Variants in AP3S2 observed in about 807,000 individuals in gnomAD.
AP3S2 encodes the protein adaptor related protein complex 3 subunit sigma 2.
Under a neutral mutation model 23.4 loss-of-function variants are expected in AP3S2, and 22 were observed. The observed-to-expected ratio is 0.94, with a 90% CI of 0.67 to 1.34. The LOEUF (loss-of-function observed/expected upper bound fraction) is 1.34. Among genes scored for constraint, AP3S2 ranks in the 40% most tolerant of loss-of-function variants. AP3S2 has a pLI of 0.00. For missense variants in AP3S2, 241 were observed against 236.9 expected (o/e 1.02, Z -0.11); for synonymous variants, 86 against 87.1 (o/e 0.99, Z 0.07).
At chr15:89,887,638 A>G (rs1048326533) in intron 3 of AP3S2, among the ~76,000 whole-genome samples, 9 of 150,644 alleles carry the variant, frequency 6.0e-5, no homozygotes, top group Non-Finnish European at 1.2e-4. Flanking sequence ...CTGAGATTAC[A>G]GGCATGAGCC....
chr15:89,850,257 C>A (rs1184423508), intron 4 of AP3S2, among the ~76,000 whole-genome samples: 4 of 152,142 alleles, frequency 2.6e-5, no homozygotes. Flanking sequence ...TAGATGTCTT[C>A]TTGTCATAAA....
intron 4 of AP3S2, among the ~76,000 whole-genome samples, chr15:89,851,802 A>AT (rs145945462): frequency 3.8e-4 from 56 of 149,102 alleles, no homozygotes; most frequent in Middle Eastern, 3.5e-3. Context: ...CCGTGAAATC[A>AT]TTTTTTTTTT....
intron 4 of AP3S2, chr15:89,865,757 G>A (rs1896102809): frequency 1.3e-5 from 2 of 152,124 alleles, no homozygotes; most frequent in Admixed American, 1.3e-4. Flanking sequence ...CCATTTTCAA[G>A]AATATTCATG....
chr15:89,838,835 A>T (rs935858316), intron 4 of AP3S2, among the ~76,000 whole-genome samples: 1 of 152,116 alleles, frequency 6.6e-6, no homozygotes, highest in African/African-American at 2.4e-5. Flanking sequence ...AAGATGTTGG[A>T]AGGAGCAATT....
intron 4 of AP3S2, among the ~76,000 whole-genome samples, chr15:89,864,070 T>C (rs1485365472): frequency 6.6e-6 from 1 of 152,188 alleles, no homozygotes; most frequent in African/African-American, 2.4e-5. Context: ...ATATGAACAG[T>C]TATTTCCTAA....
At chr15:89,873,058 C>A (rs1186727261) in intron 3 of AP3S2, among the ~76,000 whole-genome samples, 2 of 152,294 alleles carry the variant, frequency 1.3e-5, no homozygotes, top group African/African-American at 4.8e-5. Context: ...TAAATCTTTA[C>A]ATTTTTAACA....
intron 4 of AP3S2, among the ~76,000 whole-genome samples, chr15:89,868,562 A>G (rs1330164336): frequency 3.2e-5 from 3 of 92,450 alleles, no homozygotes; most frequent in African/African-American, 4.0e-5. Context: ...TCCGGGAGGG[A>G]GGTGGGGGGG....
At position 89,843,387 on chromosome 15, in the gene AP3S2, C is replaced by T. The variant is rs1207381851; in HGVS notation, c.346-5665G>A. Among the ~76,000 whole-genome samples the T allele has an allele frequency of 3.3e-5, 5 of 151,840 alleles. No individual in the cohort carries two copies. The East Asian group carries it at 9.8e-4, about 30-fold the overall frequency. Reference sequence around the variant, plus strand: ...GCCTGGTGGCTCATGCCTGTAATCCCAGCACTTTGGGAGGCCAAGGTGGGT... The same window carrying T: ...GCCTGGTGGCTCATGCCTGTAATCCTAGCACTTTGGGAGGCCAAGGTGGGT... On this transcript the variant is annotated intron_variant, in intron 4 of 5. Transcript: ENST00000336418.
intron 4 of AP3S2, among the ~76,000 whole-genome samples, chr15:89,860,456 C>G (rs555148475): frequency 6.6e-6 from 1 of 152,100 alleles, no homozygotes; most frequent in Non-Finnish European, 1.5e-5. Flanking sequence ...GTACACAGCA[C>G]GGATACAATG....
In AP3S2 at chr15:89,837,720, C is replaced by T. The variant is rs1895230317; in HGVS notation, c.348G>A (p.Val116=). 5 of 1,614,066 alleles carry T rather than the reference C, an allele frequency of 3.1e-6. No individual in the cohort carries two copies. In the Admixed American group the frequency reaches 6.7e-5, roughly 22 times the overall value. ...ELDLIFHMDK[V]HYILQEVVMG... ...TCACCACCTCCTGGAGGATGTAGTG[C>T]ACCTAAAAGGGAAGCAAAAATCAGG... The change falls in exon 5 of 6, where the codon GTG becomes GTA. Residue 116 remains valine (V), a splice_region_variant and synonymous_variant. Coordinates refer to ENST00000336418, the MANE Select transcript of AP3S2 (RefSeq NM_005829.5).
At chr15:89,864,619 G>A (rs1286595793) in intron 4 of AP3S2, among the ~76,000 whole-genome samples, 1 of 151,716 alleles carries the variant, frequency 6.6e-6, no homozygotes, top group East Asian at 1.9e-4. Flanking sequence ...GGAGGGCAGT[G>A]GTGTGATCTC....
rs1896765525 is a variant in AP3S2, at chr15:89,889,256, C to G, written c.70-116G>C. On this transcript the variant is annotated intron_variant, in intron 1 of 5. Coordinates refer to ENST00000336418, the MANE Select transcript of AP3S2 (RefSeq NM_005829.5). ...GCTGGGAACATCTAAACATTTAGTA[C>G]TTGTTTCTAGAAATGATAAAAATGA... The G allele has an allele frequency of 2.8e-6, 3 of 1,067,934 alleles. No homozygotes were observed. The Admixed American group carries it at 7.2e-5, about 26-fold the overall frequency. The allele number at this position is 1,067,934 out of a possible 1,614,324, so 66.2% of individuals were successfully genotyped here.
At chr15:89,861,620 C>T (rs1262658557) in intron 4 of AP3S2, among the ~76,000 whole-genome samples, 3 of 152,126 alleles carry the variant, frequency 2.0e-5, no homozygotes, top group Non-Finnish European at 2.9e-5. Flanking sequence ...ACTATGAAAT[C>T]AGACCTTACT....
At chr15:89,888,477 G>T in intron 3 of AP3S2, 44 bp downstream of exon 3, 1 of 1,597,482 alleles carries the variant, frequency 6.3e-7, no homozygotes. Flanking sequence ...AAATCCCGTG[G>T]AAACTCTCTA....
In AP3S2 at chr15:89,835,507, C is replaced by G. The variant is rs376035571; in HGVS notation, c.*8G>C. ...TTAAGGACTCTATTTCAGGCCAATA[C>G]TTGATCCTCAGACAAACTGGGACAG... On this transcript the variant is annotated 3_prime_UTR_variant, in exon 6 of 6. Coordinates refer to ENST00000336418, the MANE Select transcript of AP3S2 (RefSeq NM_005829.5). The G allele has an allele frequency of 4.5e-5, 73 of 1,613,520 alleles. No individual in the cohort carries two copies. The highest frequency in any genetic ancestry group is 6.0e-5 in the Non-Finnish European group (71 of 1,179,904).
intron 4 of AP3S2, chr15:89,865,505 T>C (rs1181069034): frequency 6.6e-6 from 1 of 152,212 alleles, no homozygotes; most frequent in Admixed American, 6.5e-5. Context: ...CCCCGATTGG[T>C]AGAAGTATAA....
chr15:89,886,369 A>G (rs1455612308), intron 3 of AP3S2: 1 of 152,196 alleles, frequency 6.6e-6, no homozygotes, highest in East Asian at 1.9e-4. Flanking sequence ...ATAAAAAAGT[A>G]AAAAAAGTTA....
At chr15:89,860,036 AT>A (rs1358461625) in intron 4 of AP3S2, among the ~76,000 whole-genome samples, 1 of 152,142 alleles carries the variant, frequency 6.6e-6, no homozygotes, top group Non-Finnish European at 1.5e-5. Flanking sequence ...AAGTGCTGGG[AT>A]TACAGGCATG....
At chr15:89,851,124 C>T (rs4932148) in intron 4 of AP3S2, among the ~76,000 whole-genome samples, 109,795 of 152,014 alleles carry the variant, frequency 0.72, 39,787 homozygotes, top group East Asian at 0.8. Flanking sequence ...CCTTAAAGAG[C>T]TTAGAATCAA....
Sources: gnomAD v4.1 joint callset for allele counts (sites outside exome capture counted in the v4.1 genomes callset) on GRCh38, gnomAD v4.1.1 for gene constraint, MANE v1.5 for transcripts, NCBI Gene and HGNC (gene_info 2026-07-23, HGNC 2026-07-21) for gene names.